RASGRF1: variants seen among roughly 807,000 people sequenced by gnomAD.
RASGRF1 encodes ras-specific guanine nucleotide-releasing factor 1.
RASGRF1 carries 40 observed loss-of-function variants against 138.7 expected under a neutral mutation model. The observed-to-expected ratio is 0.29, with a 90% CI of 0.22 to 0.38. The LOEUF (loss-of-function observed/expected upper bound fraction) is 0.38. RASGRF1 is among the 10% of genes least tolerant of loss of function. The probability of loss-of-function intolerance (pLI) is 1.00; values close to 1 mark genes in which losing one functional copy is unlikely to be tolerated. For synonymous variants in RASGRF1, 614 were observed against 663.2 expected (o/e 0.93, Z 1.14); for missense variants, 1,108 against 1,650.4 (o/e 0.67, Z 5.69).
intron 24 of RASGRF1, among the ~76,000 whole-genome samples, chr15:78,976,223 C>T (rs947298047): frequency 1.3e-5 from 2 of 152,060 alleles, no homozygotes; most frequent in Admixed American, 6.5e-5. Context: ...GATTTGCAAT[C>T]GAATCACTTG....
intron 13 of RASGRF1, among the ~76,000 whole-genome samples, chr15:79,010,900 G>A (rs980011300): frequency 1.3e-5 from 2 of 152,208 alleles, no homozygotes; most frequent in Non-Finnish European, 2.9e-5. Context: ...AGGCCTGGAT[G>A]CATCATGTTA....
At chr15:79,068,791 C>T (rs2057715831) in intron 1 of RASGRF1, among the ~76,000 whole-genome samples, 1 of 151,958 alleles carries the variant, frequency 6.6e-6, no homozygotes, top group African/African-American at 2.4e-5. Flanking sequence ...TCTGGCCCAC[C>T]CCTCTTCTCT....
intron 6 of RASGRF1, among the ~76,000 whole-genome samples, chr15:79,034,107 C>T (rs2141004865): frequency 6.6e-6 from 1 of 152,336 alleles, no homozygotes. Context: ...ATAGTGCCTA[C>T]TTCCCCCTGG....
At chr15:79,068,488 TATATAC>T (rs60352397) in intron 1 of RASGRF1, among the ~76,000 whole-genome samples, 41,319 of 115,334 alleles carry the variant, frequency 0.36, 6,296 homozygotes, top group African/African-American at 0.51. Context: ...TATATATATA[TATATAC>T]ACACACACAC....
chr15:79,012,576 G>A, intron 13 of RASGRF1: 1 of 1,612,190 alleles, frequency 6.2e-7, no homozygotes, highest in Non-Finnish European at 8.5e-7. Flanking sequence ...GGTCCTTGAA[G>A]TTGTAAGTTT....
At chr15:79,077,320 C>T (rs2057846258) in intron 1 of RASGRF1, among the ~76,000 whole-genome samples, 1 of 152,156 alleles carries the variant, frequency 6.6e-6, no homozygotes, top group Admixed American at 6.5e-5. Context: ...ACAGTTTCCT[C>T]TTTCACAAAA....
At chr15:79,054,586 C>T (rs1463091066) in intron 3 of RASGRF1, among the ~76,000 whole-genome samples, 6 of 152,222 alleles carry the variant, frequency 3.9e-5, no homozygotes, top group Non-Finnish European at 8.8e-5. Context: ...TGCCTTTCCC[C>T]AGCCCAGCCA....
intron 2 of RASGRF1, 84 bp from the exon 3 acceptor site, chr15:79,058,565 T>C: frequency 6.5e-7 from 1 of 1,535,002 alleles, no homozygotes; most frequent in African/African-American, 1.4e-5. Context: ...GGAGAGGGGC[T>C]CACCCACCCA....
At chr15:79,013,773 T>C (rs1381697373) in intron 13 of RASGRF1, among the ~76,000 whole-genome samples, 8 of 152,282 alleles carry the variant, frequency 5.3e-5, no homozygotes, top group African/African-American at 1.9e-4. Flanking sequence ...GAATTGTGCC[T>C]GGTGCAGGTG....
intron 23 of RASGRF1, among the ~76,000 whole-genome samples, chr15:78,981,965 T>G (rs1283364729): frequency 2.0e-5 from 3 of 152,138 alleles, no homozygotes; most frequent in Non-Finnish European, 4.4e-5. Context: ...TCCTTCCTTT[T>G]CTTCTCCATC....
Position 79,015,200 on chromosome 15 carries a change from A to T in RASGRF1, c.1826+127T>A, listed in dbSNP as rs75186388. ...AAACAAACAAGAAAACATCCAAAAC[A>T]CCCCCAAAGACAAAGCCCAGCATCT... On this transcript the variant is annotated intron_variant, in intron 13 of 26. Coordinates refer to ENST00000558480, the MANE Select transcript of RASGRF1 (RefSeq NM_001145648.3). 2,562 of 814,254 alleles carry T rather than the reference A, an allele frequency of 3.1e-3. 49 individuals carry two copies. In the East Asian group the frequency reaches 0.051, roughly 16 times the overall value. The allele number at this position is 814,254 out of a possible 1,614,324, so 50.4% of individuals were successfully genotyped here. A position where few individuals can be genotyped will look rare whatever the true frequency, so the allele number is the denominator to read the frequency against.
At chr15:79,023,670 C>G (rs968595599) in intron 10 of RASGRF1, among the ~76,000 whole-genome samples, 13 of 152,264 alleles carry the variant, frequency 8.5e-5, no homozygotes, top group South Asian at 2.1e-4. Flanking sequence ...TTCCCTCCCC[C>G]TTTAGGGATG....
chr15:78,997,804 G>A (rs4352018), intron 19 of RASGRF1: 100,160 of 409,238 alleles, frequency 0.24, 13,657 homozygotes, highest in African/African-American at 0.3. Flanking sequence ...GATGGCACAG[G>A]CTAGACAGGG....
At chr15:79,086,295 G>A (rs780628199) in intron 1 of RASGRF1, among the ~76,000 whole-genome samples, 6 of 152,214 alleles carry the variant, frequency 3.9e-5, no homozygotes, top group Non-Finnish European at 8.8e-5. Context: ...GGTTGAATGT[G>A]TTATAACTCC....
At chr15:79,071,364 CTTT>C (rs71451741) in intron 1 of RASGRF1, among the ~76,000 whole-genome samples, 2 of 141,938 alleles carry the variant, frequency 1.4e-5, no homozygotes, top group Non-Finnish European at 1.5e-5. Context: ...TTTCTTTTTT[CTTT>C]TTTTTTTTTT....
chr15:78,990,383 G>T lies in RASGRF1; in HGVS notation c.3132-110C>A, dbSNP rs538811035. On this transcript the variant is annotated intron_variant, in intron 21 of 26. Coordinates refer to ENST00000558480, the MANE Select transcript of RASGRF1 (RefSeq NM_001145648.3). ...TTGGCTTTTTGAGGCTGTCATTTCT[G>T]GGGGAACAACCTTCTGCAGAGCCCT... The T allele has an allele frequency of 5.0e-5, 37 of 732,810 alleles. No homozygotes were observed. The East Asian group carries it at 7.0e-4, about 14-fold the overall frequency. 45.4% of individuals were successfully genotyped at this position (732,810 alleles called of 1,614,324 possible). A position where few individuals can be genotyped will look rare whatever the true frequency, so the allele number is the denominator to read the frequency against.
At chr15:78,967,590 A>G (rs1047572507) in intron 26 of RASGRF1, among the ~76,000 whole-genome samples, 3 of 152,168 alleles carry the variant, frequency 2.0e-5, no homozygotes, top group Admixed American at 2.0e-4. Flanking sequence ...AAGTTAAAAA[A>G]TGTGACCCTG....
chr15:78,998,200 C>A lies in RASGRF1; in HGVS notation c.2862G>T (p.Glu954Asp), dbSNP rs747277021. 5 of 1,614,066 alleles carry A rather than the reference C, an allele frequency of 3.1e-6. No individual in the cohort carries two copies. Among genetic ancestry groups the A allele is most frequent in the Non-Finnish European group, 4.2e-6 (5 of 1,179,910 alleles). The change falls in exon 19 of 27, where the codon GAG (glutamate) becomes GAT (aspartate). Residue 954 changes from glutamate (E) to aspartate (D), a missense_variant. Glu to Asp is a conservative substitution (Grantham distance 45). Coordinates refer to ENST00000558480, the MANE Select transcript of RASGRF1 (RefSeq NM_001145648.3). ...CCTTGCATTTGAGCTCATCGTTGGTCTCAAAGTCCTGCCGGGAAGGTGTGA... is the reference window on the plus strand; with the variant it reads ...CCTTGCATTTGAGCTCATCGTTGGTATCAAAGTCCTGCCGGGAAGGTGTGA... ...HWVSKHSQDF[E>D]TNDELKCKVI...
chr15:79,027,942 C>T lies in RASGRF1; in HGVS notation c.1263-83G>A, dbSNP rs1462980195. 7.2e-6 allele frequency: 10 copies of T among 1,380,434 alleles called. No homozygotes were observed. The highest frequency in any genetic ancestry group is 1.0e-5 in the Non-Finnish European group (10 of 977,852). 85.5% of individuals were successfully genotyped at this position (1,380,434 alleles called of 1,614,324 possible). A position where few individuals can be genotyped will look rare whatever the true frequency, so the allele number is the denominator to read the frequency against. On this transcript the variant is annotated intron_variant, in intron 8 of 26. Coordinates refer to ENST00000558480, the MANE Select transcript of RASGRF1 (RefSeq NM_001145648.3). The surrounding 1 kb of genome is among the most constrained non-coding windows in gnomAD (Gnocchi z 4.8). ...CGAGAATGCCAGGCTTCTGGCCAGA[C>T]CTAGGAAGAAAGCCTGGCACAAGGA...
Sources: gnomAD v4.1 joint callset for allele counts (sites outside exome capture counted in the v4.1 genomes callset) on GRCh38, gnomAD v4.1.1 for gene constraint, Gnocchi (gnomAD v3.1) non-coding constraint, MANE v1.5 for transcripts, NCBI Gene and HGNC (gene_info 2026-07-23, HGNC 2026-07-21) for gene names.